PPARGC1A: variants seen among roughly 807,000 people sequenced by gnomAD.
PPARGC1A encodes the protein peroxisome proliferator-activated receptor gamma coactivator 1-alpha.
In PPARGC1A, 25 loss-of-function variants were observed where a neutral mutation model predicts 88.7. The observed-to-expected ratio is 0.28, with a 90% CI of 0.21 to 0.39. The LOEUF is 0.39. Among genes scored for constraint, PPARGC1A ranks in the 10% least tolerant of loss-of-function variants. PPARGC1A has a pLI of 1.00. For missense variants in PPARGC1A, 880 were observed against 968.7 expected (o/e 0.91, Z 1.22); for synonymous variants, 363 against 355.6 (o/e 1.02, Z -0.24).
At chr4:24,080,030 T>C in the PPARGC1A span, among the ~76,000 whole-genome samples, 3 of 152,050 alleles carry the variant, frequency 2.0e-5, no homozygotes, top group Non-Finnish European at 4.4e-5. Context: ...TCTCTCATTA[T>C]ATTTATTATT....
chr4:24,348,277 T>C, the PPARGC1A span, among the ~76,000 whole-genome samples: 1 of 152,204 alleles, frequency 6.6e-6, no homozygotes, highest in Non-Finnish European at 1.5e-5. Context: ...CGGATCACAA[T>C]GTGCCTAGGC....
intron 2 of PPARGC1A, among the ~76,000 whole-genome samples, chr4:23,854,540 A>G (rs1452822876): frequency 2.0e-5 from 3 of 152,180 alleles, no homozygotes; most frequent in Admixed American, 6.5e-5. Context: ...GAGGCCATAC[A>G]GTCCAACAGT....
chr4:23,978,778 T>C, the PPARGC1A span, among the ~76,000 whole-genome samples: 1 of 152,196 alleles, frequency 6.6e-6, no homozygotes, highest in Non-Finnish European at 1.5e-5. Flanking sequence ...GTGAAACACC[T>C]GCAGGACTGT....
At chr4:23,806,170 A>G (rs1719771327) in intron 10 of PPARGC1A, among the ~76,000 whole-genome samples, 1 of 152,204 alleles carries the variant, frequency 6.6e-6, no homozygotes, top group Admixed American at 6.5e-5. Context: ...TCACTACCTT[A>G]CAAAGATCAG....
the PPARGC1A span, among the ~76,000 whole-genome samples, chr4:24,375,861 G>A: frequency 6.6e-6 from 1 of 152,166 alleles, no homozygotes; most frequent in Admixed American, 6.5e-5. Context: ...ACTCCTAAGT[G>A]GGAACTGTCA....
At chr4:23,889,224 T>C in intron 1 of PPARGC1A, 1 of 985,408 alleles carries the variant, frequency 1.0e-6, no homozygotes, top group Non-Finnish European at 1.2e-6. Flanking sequence ...CTCTCCGTGG[T>C]ACAGGAAGAT....
At chr4:23,857,853 G>T (rs1730485700) in intron 2 of PPARGC1A, among the ~76,000 whole-genome samples, 1 of 151,562 alleles carries the variant, frequency 6.6e-6, no homozygotes, top group South Asian at 2.1e-4. Flanking sequence ...AGGTCTTTTA[G>T]GTACTAAGCC....
chr4:24,009,668 C>T, the PPARGC1A span, among the ~76,000 whole-genome samples: 1 of 152,170 alleles, frequency 6.6e-6, no homozygotes, highest in African/African-American at 2.4e-5. Flanking sequence ...GTTTTGGGTG[C>T]AGCTTGACTG....
At chr4:24,053,402 A>G in the PPARGC1A span, among the ~76,000 whole-genome samples, 3 of 152,172 alleles carry the variant, frequency 2.0e-5, no homozygotes, top group East Asian at 5.8e-4. Flanking sequence ...GTAGGATACT[A>G]TGGGTGAAAG....
chr4:24,288,798 A>C, the PPARGC1A span, among the ~76,000 whole-genome samples: 2 of 152,226 alleles, frequency 1.3e-5, no homozygotes, highest in Non-Finnish European at 2.9e-5. Context: ...CAACACAACC[A>C]AGTGAATAGT....
At chr4:23,879,235 G>T (rs1270304233) in intron 2 of PPARGC1A, among the ~76,000 whole-genome samples, 2 of 152,066 alleles carry the variant, frequency 1.3e-5, no homozygotes, top group African/African-American at 4.8e-5. Context: ...CAGGAGGTTT[G>T]CCATTCATAG....
the PPARGC1A span, among the ~76,000 whole-genome samples, chr4:24,265,025 T>C: frequency 3.3e-5 from 5 of 152,184 alleles, no homozygotes; most frequent in African/African-American, 1.2e-4. Flanking sequence ...TATGACATTG[T>C]ATATGTCATA....
At chr4:24,253,941 G>A in the PPARGC1A span, among the ~76,000 whole-genome samples, 1 of 152,200 alleles carries the variant, frequency 6.6e-6, no homozygotes, top group Admixed American at 6.5e-5. Flanking sequence ...GTTAGATGCT[G>A]GGGATACCAA....
the PPARGC1A span, among the ~76,000 whole-genome samples, chr4:24,387,810 A>AAG: frequency 2.8e-5 from 3 of 108,374 alleles, no homozygotes; most frequent in African/African-American, 1.0e-4. Flanking sequence ...GAAAGAAAGA[A>AAG]AGAAAGAAAG....
At chr4:23,909,584 C>A in the PPARGC1A span, among the ~76,000 whole-genome samples, 1 of 151,688 alleles carries the variant, frequency 6.6e-6, no homozygotes, top group Non-Finnish European at 1.5e-5. Context: ...CCTGCTGGGA[C>A]CCCAGGAAAG....
At chr4:24,329,839 G>A in the PPARGC1A span, among the ~76,000 whole-genome samples, 2 of 152,180 alleles carry the variant, frequency 1.3e-5, no homozygotes, top group Middle Eastern at 6.3e-3. Flanking sequence ...CTGCCTATGA[G>A]AGAATCTAAC....
the PPARGC1A span, among the ~76,000 whole-genome samples, chr4:24,404,430 T>G: frequency 6.6e-6 from 1 of 152,090 alleles, no homozygotes; most frequent in Non-Finnish European, 1.5e-5. Context: ...AAATCTTTAG[T>G]GAGTCTTCAA....
the PPARGC1A span, among the ~76,000 whole-genome samples, chr4:24,261,596 A>G: frequency 1.7e-3 from 254 of 152,336 alleles, no homozygotes; most frequent in Non-Finnish European, 2.7e-3. Flanking sequence ...AACAAAATAA[A>G]TGTGTTCCTA....
chr4:23,863,644 T>C (rs904086371), intron 2 of PPARGC1A, among the ~76,000 whole-genome samples: 1 of 152,212 alleles, frequency 6.6e-6, no homozygotes, highest in African/African-American at 2.4e-5. Context: ...TAGTAGGTGA[T>C]AAATATGTGT....
Sources: allele counts gnomAD v4.1 joint callset (sites outside exome capture counted in the v4.1 genomes callset), GRCh38; gene constraint gnomAD v4.1.1; transcripts MANE v1.5; gene names NCBI Gene and HGNC (gene_info 2026-07-23, HGNC 2026-07-21).